The following POU6F2 variants were observed in gnomAD, a reference collection of about 807,000 sequenced individuals.
POU6F2 encodes POU class 6 homeobox 2.
A neutral mutation model predicts 71.3 loss-of-function variants in POU6F2; 31 were observed. That is an observed-to-expected ratio of 0.43 (90% CI 0.33 to 0.59). POU6F2 has a LOEUF of 0.59. Ranked by LOEUF, POU6F2 falls within the 20% of genes least tolerant of loss-of-function variation. The probability of loss-of-function intolerance (pLI) is 0.04; values close to 1 mark genes in which losing one functional copy is unlikely to be tolerated. For missense variants in POU6F2, 783 were observed against 856.8 expected, an observed-to-expected ratio of 0.91 and a Z score of 1.07; for synonymous variants, 347 against 355.7, an observed-to-expected ratio of 0.98 and a Z score of 0.27.
chr7:39,182,248 A>G (rs1407907328), intron 2 of POU6F2, among the ~76,000 whole-genome samples: 1 of 152,190 alleles, frequency 6.6e-6, no homozygotes, highest in African/African-American at 2.4e-5. Context: ...TCATTCTATT[A>G]TATATTTTAC....
intron 1 of POU6F2, among the ~76,000 whole-genome samples, chr7:39,026,517 G>T (rs974744795): frequency 2.6e-4 from 39 of 152,024 alleles, no homozygotes; most frequent in Non-Finnish European, 7.4e-5. Context: ...ACCAAACACC[G>T]CATGTTCTCA....
At chr7:39,044,075 G>T (rs1355652504) in intron 1 of POU6F2, among the ~76,000 whole-genome samples, 1 of 151,884 alleles carries the variant, frequency 6.6e-6, no homozygotes, top group African/African-American at 2.4e-5. Flanking sequence ...AATCTCCTGG[G>T]CGTAGGGACT....
chr7:39,124,863 A>C (rs1792112028), intron 2 of POU6F2, among the ~76,000 whole-genome samples: 1 of 152,094 alleles, frequency 6.6e-6, no homozygotes. Flanking sequence ...ATAGATCCTT[A>C]AGCCTTTATT....
chr7:39,276,976 A>G (rs1260867895), intron 4 of POU6F2, among the ~76,000 whole-genome samples: 1 of 151,946 alleles, frequency 6.6e-6, no homozygotes, highest in African/African-American at 2.4e-5. Context: ...TGGGTGCAGC[A>G]CACCAGCATG....
chr7:39,058,356 A>G (rs1394635224), intron 1 of POU6F2, among the ~76,000 whole-genome samples: 1 of 152,160 alleles, frequency 6.6e-6, no homozygotes, highest in Non-Finnish European at 1.5e-5. Flanking sequence ...GAAGGGAAAG[A>G]TTCCAAATGA....
chr7:39,401,411 CAAT>C (rs1787300835), intron 5 of POU6F2, among the ~76,000 whole-genome samples: 1 of 152,126 alleles, frequency 6.6e-6, no homozygotes, highest in Non-Finnish European at 1.5e-5. Context: ...TATAACACAA[CAAT>C]AATGATGAGA....
intron 5 of POU6F2, among the ~76,000 whole-genome samples, chr7:39,357,523 G>A (rs1441808222): frequency 1.3e-5 from 2 of 152,156 alleles, no homozygotes; most frequent in African/African-American, 4.8e-5. Flanking sequence ...GGTAGTCTCT[G>A]TGCAAGTCTA....
intron 6 of POU6F2, among the ~76,000 whole-genome samples, chr7:39,429,774 C>T (rs549204215): frequency 2.6e-5 from 4 of 152,194 alleles, no homozygotes; most frequent in Non-Finnish European, 5.9e-5. Context: ...CAAAAGCATC[C>T]TGTTTCTACC....
intron 2 of POU6F2, among the ~76,000 whole-genome samples, chr7:39,179,280 C>G (rs183512759): frequency 3.9e-5 from 6 of 152,330 alleles, no homozygotes; most frequent in Non-Finnish European, 7.3e-5. Flanking sequence ...TGGTGCCACA[C>G]TGCCTGGGTT....
At chr7:39,448,944 G>A (rs1247069594) in intron 7 of POU6F2, among the ~76,000 whole-genome samples, 2 of 152,292 alleles carry the variant, frequency 1.3e-5, no homozygotes, top group East Asian at 1.9e-4. Context: ...TTTAATATGT[G>A]TCCCTACAGT....
chr7:39,308,372 C>T (rs1260257416), intron 4 of POU6F2, among the ~76,000 whole-genome samples: 5 of 152,132 alleles, frequency 3.3e-5, no homozygotes, highest in African/African-American at 1.2e-4. Context: ...AACGTGTGAT[C>T]AGGAGGACAT....
intron 2 of POU6F2, among the ~76,000 whole-genome samples, chr7:39,194,891 C>T (rs190767594): frequency 2.6e-5 from 4 of 152,276 alleles, no homozygotes; most frequent in Admixed American, 2.0e-4. Context: ...CTGTGAAGGT[C>T]TGCAGCTTCA....
intron 2 of POU6F2, among the ~76,000 whole-genome samples, chr7:39,089,245 T>C (rs1791315820): frequency 6.6e-6 from 1 of 152,240 alleles, no homozygotes; most frequent in South Asian, 2.1e-4. Context: ...CTCTGTGATA[T>C]CATTAAGTGA....
At chr7:39,213,417 A>G (rs895240131) in intron 4 of POU6F2, among the ~76,000 whole-genome samples, 2 of 152,196 alleles carry the variant, frequency 1.3e-5, no homozygotes, top group African/African-American at 4.8e-5. Flanking sequence ...TCACTGAGGT[A>G]TCCTTTACAT....
chr7:38,984,517 C>T (rs1788411763), intron 1 of POU6F2: 1 of 152,126 alleles, frequency 6.6e-6, no homozygotes, highest in Non-Finnish European at 1.5e-5. Flanking sequence ...AAGCTTACCT[C>T]ATCTCACCTA....
chr7:39,395,560 G>A (rs1052438905), intron 5 of POU6F2, among the ~76,000 whole-genome samples: 1 of 152,198 alleles, frequency 6.6e-6, no homozygotes, highest in Non-Finnish European at 1.5e-5. Flanking sequence ...GTGCCTCAAG[G>A]CATGAGGCTC....
chr7:39,131,983 G>A (rs142812243), intron 2 of POU6F2, among the ~76,000 whole-genome samples: 1 of 152,268 alleles, frequency 6.6e-6, no homozygotes, highest in African/African-American at 2.4e-5. Flanking sequence ...ATCCCCTCAA[G>A]CACTTATCCT....
At chr7:39,163,535 T>A (rs1321842091) in intron 2 of POU6F2, among the ~76,000 whole-genome samples, 1 of 152,182 alleles carries the variant, frequency 6.6e-6, no homozygotes, top group Non-Finnish European at 1.5e-5. Flanking sequence ...TGTGGATCTG[T>A]CTCTTGCGTC....
intron 4 of POU6F2, among the ~76,000 whole-genome samples, chr7:39,230,592 G>A (rs1020568695): frequency 7.2e-5 from 11 of 152,084 alleles, no homozygotes; most frequent in African/African-American, 2.7e-4. Flanking sequence ...TGATTAACTG[G>A]AACAACCTCA....
Sources: allele counts gnomAD v4.1 joint callset (sites outside exome capture counted in the v4.1 genomes callset), GRCh38; gene constraint gnomAD v4.1.1; transcripts MANE v1.5; gene names NCBI Gene and HGNC (gene_info 2026-07-23, HGNC 2026-07-21).